The following NCOA2 variants were observed in gnomAD, a reference collection of about 807,000 sequenced individuals.
NCOA2 encodes the protein class E basic helix-loop-helix protein 75.
In NCOA2, 21 loss-of-function variants were observed where a neutral mutation model predicts 145.1. That is an observed-to-expected ratio of 0.14 (90% CI 0.10 to 0.21). The LOEUF (loss-of-function observed/expected upper bound fraction) is 0.21. Among genes scored for constraint, NCOA2 ranks in the 10% least tolerant of loss-of-function variants. NCOA2 has a pLI of 1.00. For missense variants in NCOA2, 1,472 were observed against 1,837.6 expected (o/e 0.80, Z 3.64); for synonymous variants, 619 against 637.5 (o/e 0.97, Z 0.44).
intron 5 of NCOA2, among the ~76,000 whole-genome samples, chr8:70,173,034 A>C (rs1214012083): frequency 1.3e-5 from 2 of 152,222 alleles, no homozygotes; most frequent in African/African-American, 4.8e-5. Flanking sequence ...ACAAAAATTT[A>C]AATTCAAACC....
At chr8:70,244,370 G>A (rs1188803522) in intron 2 of NCOA2, among the ~76,000 whole-genome samples, 1 of 152,076 alleles carries the variant, frequency 6.6e-6, no homozygotes, top group Non-Finnish European at 1.5e-5. Context: ...AGACTGCTAT[G>A]AGAATTAATA....
intron 15 of NCOA2, among the ~76,000 whole-genome samples, chr8:70,136,127 A>G (rs1048698121): frequency 3.9e-5 from 6 of 152,184 alleles, no homozygotes; most frequent in Admixed American, 3.9e-4. Flanking sequence ...CAATCTCAGC[A>G]CTTTGGGAGG....
chr8:70,169,839 A>C (rs533392710), intron 6 of NCOA2, among the ~76,000 whole-genome samples: 1 of 152,334 alleles, frequency 6.6e-6, no homozygotes, highest in African/African-American at 2.4e-5. Flanking sequence ...CATTTTCATG[A>C]ATCTGAATCA....
chr8:70,192,619 C>A (rs375124930), intron 4 of NCOA2, among the ~76,000 whole-genome samples: 5 of 152,330 alleles, frequency 3.3e-5, no homozygotes, highest in Admixed American at 6.5e-5. Context: ...AAGAGGCAAC[C>A]ATGCTCCAGG....
intron 1 of NCOA2, 119 bp downstream of exon 1, chr8:70,403,581 C>G: frequency 3.2e-6 from 1 of 314,212 alleles, no homozygotes; most frequent in African/African-American, 2.2e-5. Context: ...CGGAGGCGCA[C>G]GGCTCTGTCG....
intron 2 of NCOA2, among the ~76,000 whole-genome samples, chr8:70,285,586 T>A (rs1457375340): frequency 6.6e-6 from 1 of 152,254 alleles, no homozygotes; most frequent in Admixed American, 6.5e-5. Flanking sequence ...CTGCACTCTA[T>A]GCCTACTACA....
chr8:70,288,622 T>C (rs896269261), intron 2 of NCOA2, among the ~76,000 whole-genome samples: 14 of 151,348 alleles, frequency 9.3e-5, no homozygotes, highest in African/African-American at 3.4e-4. Flanking sequence ...TAAATTACAA[T>C]ATTGGAAATA....
At position 70,121,280 on chromosome 8, in the gene NCOA2, A is replaced by G. The variant is rs201447033; in HGVS notation, c.4383+22T>C. The G allele has an allele frequency of 3.9e-5, 62 of 1,589,170 alleles. No homozygotes were observed. The Middle Eastern group carries it at 3.7e-3, about 94-fold the overall frequency. ...ATGTTTGCTTTACTTCCATATTCAT[A>G]TATTTCACTGTTCTTTCTTACCCGT... On this transcript the variant is annotated intron_variant, in intron 22 of 22. Coordinates refer to ENST00000452400, the MANE Select transcript of NCOA2 (RefSeq NM_006540.4).
intron 2 of NCOA2, among the ~76,000 whole-genome samples, chr8:70,229,542 C>T (rs1820952263): frequency 6.6e-6 from 1 of 152,064 alleles, no homozygotes; most frequent in Admixed American, 6.5e-5. Context: ...TGAGACAATG[C>T]TAGAGTTGTT....
intron 10 of NCOA2, among the ~76,000 whole-genome samples, chr8:70,159,243 T>TATATATATATATATGTATATATA (rs869045939): frequency 1.2e-5 from 1 of 82,060 alleles, no homozygotes; most frequent in East Asian, 4.0e-4. Flanking sequence ...TATATATATA[T>TATATATATATATATGTATATATA]TTTTTTTTTT....
the NCOA2 span, among the ~76,000 whole-genome samples, chr8:70,413,481 T>A: frequency 6.6e-6 from 1 of 152,204 alleles, no homozygotes; most frequent in African/African-American, 2.4e-5. Context: ...TATAAAACCC[T>A]AGATCCAGAA....
intron 1 of NCOA2, among the ~76,000 whole-genome samples, chr8:70,393,122 C>A (rs1022286336): frequency 6.6e-6 from 1 of 152,184 alleles, no homozygotes; most frequent in South Asian, 2.1e-4. Flanking sequence ...CTGAAAACCA[C>A]AAGCCCCAGA....
At chr8:70,134,769 CTTT>C (rs1164559349) in intron 15 of NCOA2, among the ~76,000 whole-genome samples, 7 of 152,082 alleles carry the variant, frequency 4.6e-5, no homozygotes, top group African/African-American at 1.7e-4. Context: ...ACATGCTTTT[CTTT>C]TTTAATTTAA....
At chr8:70,325,138 AAC>A (rs1310512819) in intron 1 of NCOA2, among the ~76,000 whole-genome samples, 1 of 152,172 alleles carries the variant, frequency 6.6e-6, no homozygotes, top group Non-Finnish European at 1.5e-5. Context: ...TTTCCTGTTA[AAC>A]AGTGCTGTTT....
At chr8:70,278,959 C>T (rs1038669727) in intron 2 of NCOA2, among the ~76,000 whole-genome samples, 1 of 149,828 alleles carries the variant, frequency 6.7e-6, no homozygotes, top group African/African-American at 2.5e-5. Context: ...GAGCAAGACT[C>T]TTGTCTCCCC....
chr8:70,171,812 A>C (rs575766795), intron 5 of NCOA2, among the ~76,000 whole-genome samples: 1 of 151,890 alleles, frequency 6.6e-6, no homozygotes, highest in Non-Finnish European at 1.5e-5. Context: ...ACAGGTATGC[A>C]CCACCACACC....
chr8:70,307,283 GA>G (rs977437875), intron 1 of NCOA2, among the ~76,000 whole-genome samples: 4 of 125,898 alleles, frequency 3.2e-5, no homozygotes, highest in Non-Finnish European at 5.2e-5. Context: ...AGACAGTGAA[GA>G]AAAAAAAATT....
chr8:70,277,721 AT>A (rs1025202904), intron 2 of NCOA2, among the ~76,000 whole-genome samples: 1 of 152,140 alleles, frequency 6.6e-6, no homozygotes. Flanking sequence ...ACTCACTGTC[AT>A]TTTTTAAAAA....
At position 70,397,714 on chromosome 8, in the gene NCOA2, G is replaced by A. The variant is rs1813812867; in HGVS notation, c.-77+5986C>T. On this transcript the variant is annotated intron_variant, in intron 1 of 22. Coordinates refer to ENST00000452400, the MANE Select transcript of NCOA2 (RefSeq NM_006540.4). Reference sequence around the variant, plus strand: ...ACAGAGAGCACAAAACATGATTCCAGAGGAAATAAAACAAAAAGAATTATA... The same window carrying A: ...ACAGAGAGCACAAAACATGATTCCAAAGGAAATAAAACAAAAAGAATTATA... Among the ~76,000 whole-genome samples the A allele has an allele frequency of 2.6e-5, 4 of 152,152 alleles. No homozygotes were observed. The South Asian group carries it at 8.3e-4, about 32-fold the overall frequency.
Sources: allele counts gnomAD v4.1 joint callset (sites outside exome capture counted in the v4.1 genomes callset), GRCh38; gene constraint gnomAD v4.1.1; transcripts MANE v1.5; gene names NCBI Gene and HGNC (gene_info 2026-07-23, HGNC 2026-07-21).